The following PRKACB variants were observed in gnomAD, a reference collection of about 807,000 sequenced individuals.
PRKACB encodes the protein protein kinase cAMP-activated catalytic subunit beta.
PRKACB carries 16 observed loss-of-function variants against 51.4 expected under a neutral mutation model. The observed-to-expected ratio is 0.31, with a 90% CI of 0.21 to 0.47. The LOEUF (loss-of-function observed/expected upper bound fraction) is 0.47. PRKACB is among the 20% of genes least tolerant of loss of function. PRKACB has a pLI of 1.00. For synonymous variants in PRKACB, 147 were observed against 154.4 expected, an observed-to-expected ratio of 0.95 and a Z score of 0.35; for missense variants, 309 against 464.5, an observed-to-expected ratio of 0.67 and a Z score of 3.08.
At chr1:84,175,057 GT>G in intron 1 of PRKACB, 1 of 1,456,784 alleles carries the variant, frequency 6.9e-7, no homozygotes, top group Admixed American at 2.7e-5. Flanking sequence ...GAAATATCTG[GT>G]AGGCAATTAC....
intron 7 of PRKACB, among the ~76,000 whole-genome samples, chr1:84,199,687 C>T (rs562204017): frequency 5.0e-4 from 76 of 152,154 alleles, no homozygotes; most frequent in Admixed American, 1.4e-3. Flanking sequence ...ATTGCTGGGT[C>T]GAATGGTAGT....
intron 1 of PRKACB, among the ~76,000 whole-genome samples, chr1:84,100,451 C>T (rs1649263714): frequency 6.6e-6 from 1 of 152,004 alleles, no homozygotes; most frequent in South Asian, 2.1e-4. Context: ...AAGTTATTCA[C>T]CAAAACTTTA....
At chr1:84,172,978 A>G (rs1660028352) in intron 1 of PRKACB, among the ~76,000 whole-genome samples, 1 of 151,648 alleles carries the variant, frequency 6.6e-6, no homozygotes, top group Non-Finnish European at 1.5e-5. Flanking sequence ...TGTTTTTTAT[A>G]CTCGCTATCA....
At chr1:84,159,102 T>C (rs1273605268) in intron 1 of PRKACB, among the ~76,000 whole-genome samples, 1 of 152,112 alleles carries the variant, frequency 6.6e-6, no homozygotes, top group Non-Finnish European at 1.5e-5. Context: ...TTTATCAAAA[T>C]TGTTTTGTCT....
chr1:84,216,124 C>G (rs1672848019), intron 9 of PRKACB, among the ~76,000 whole-genome samples: 1 of 152,052 alleles, frequency 6.6e-6, no homozygotes, highest in Admixed American at 6.6e-5. Context: ...GCTTGAGTCT[C>G]ACTCAAGAGT....
chr1:84,128,789 A>T (rs1008288571), intron 1 of PRKACB, among the ~76,000 whole-genome samples: 1 of 152,142 alleles, frequency 6.6e-6, no homozygotes, highest in Admixed American at 6.5e-5. Flanking sequence ...TGTCAGCATT[A>T]TGTGTGTTCC....
At chr1:84,217,146 G>C (rs1405705183) in intron 9 of PRKACB, among the ~76,000 whole-genome samples, 3 of 152,144 alleles carry the variant, frequency 2.0e-5, no homozygotes, top group African/African-American at 4.8e-5. Flanking sequence ...TTTGGATAGA[G>C]AATACAAAAG....
intron 1 of PRKACB, among the ~76,000 whole-genome samples, chr1:84,118,598 T>C (rs1032854224): frequency 1.2e-4 from 19 of 152,022 alleles, no homozygotes; most frequent in Non-Finnish European, 2.5e-4. Context: ...TTACCTAATA[T>C]AAAGCTTAAA....
At chr1:84,180,607 T>A (rs982186018) in intron 2 of PRKACB, among the ~76,000 whole-genome samples, 4 of 152,012 alleles carry the variant, frequency 2.6e-5, no homozygotes, top group East Asian at 1.9e-4. Context: ...ACCAAAAAAA[T>A]TAAATTTTGA....
At chr1:84,081,143 G>C (rs1647499849) in intron 1 of PRKACB, among the ~76,000 whole-genome samples, 1 of 152,178 alleles carries the variant, frequency 6.6e-6, no homozygotes, top group Non-Finnish European at 1.5e-5. Context: ...TTAGCACCAA[G>C]CTTCAGAAAG....
At position 84,179,223 on chromosome 1, in the gene PRKACB, G is replaced by A; in HGVS notation, c.234G>A (p.Trp78Ter). Residue 78 changes from tryptophan (W) to a stop codon, truncating the protein, a stop_gained, in exon 2 of 10, where the codon TGG becomes TGA. Transcript: ENST00000370685. LOFTEE classifies it high-confidence loss of function. ...CCAAAGAAGACTTTTTGAAAAAATG[G>A]GAGAATCCAACTCAGGTAAGGAATA... The part of the protein sequence containing the change: ...AKAKEDFLKK[W>*]ENPTQNNAGL... 1 of 1,579,798 alleles carries A rather than the reference G, an allele frequency of 6.3e-7. No homozygotes were observed. The highest frequency in any genetic ancestry group is 8.6e-7 in the Non-Finnish European group (1 of 1,162,344).
intron 5 of PRKACB, among the ~76,000 whole-genome samples, chr1:84,190,543 G>A (rs552452040): frequency 3.0e-4 from 45 of 151,982 alleles, no homozygotes; most frequent in Middle Eastern, 3.5e-3. Flanking sequence ...GAAGATACAC[G>A]TTTATTAAAT....
intron 1 of PRKACB, among the ~76,000 whole-genome samples, chr1:84,178,200 A>G (rs2812447): frequency 0.18 from 26,932 of 151,986 alleles, 2,675 homozygotes; most frequent in South Asian, 0.25. Flanking sequence ...ATCTCACTTC[A>G]ATACTACTGT....
chr1:84,120,202 G>A (rs1272005253), intron 1 of PRKACB, among the ~76,000 whole-genome samples: 2 of 152,046 alleles, frequency 1.3e-5, no homozygotes, highest in East Asian at 1.9e-4. Context: ...ACTTCCAAGG[G>A]TATTAAAATG....
intron 8 of PRKACB, among the ~76,000 whole-genome samples, chr1:84,207,400 G>A (rs1246442570): frequency 6.6e-6 from 1 of 152,146 alleles, no homozygotes; most frequent in Non-Finnish European, 1.5e-5. Flanking sequence ...AATCCAGGCT[G>A]ATTAAAGATG....
chr1:84,206,799 A>G (rs1035886613), intron 8 of PRKACB, among the ~76,000 whole-genome samples: 1 of 152,178 alleles, frequency 6.6e-6, no homozygotes, highest in Non-Finnish European at 1.5e-5. Context: ...TCATGTTGGT[A>G]TAAGGGCACT....
chr1:84,158,594 T>A (rs1655805954), intron 1 of PRKACB, among the ~76,000 whole-genome samples: 2 of 151,592 alleles, frequency 1.3e-5, no homozygotes, highest in Admixed American at 1.3e-4. Flanking sequence ...AATATAAATA[T>A]CAAATATTTC....
At chr1:84,173,576 A>G (rs1418192978) in intron 1 of PRKACB, among the ~76,000 whole-genome samples, 2 of 151,638 alleles carry the variant, frequency 1.3e-5, no homozygotes, top group East Asian at 3.9e-4. Context: ...GGGTGGAAGA[A>G]GATGGACTAA....
At chr1:84,180,277 T>A (rs1662967324) in intron 2 of PRKACB, among the ~76,000 whole-genome samples, 2 of 143,682 alleles carry the variant, frequency 1.4e-5, no homozygotes, top group Admixed American at 1.4e-4. Flanking sequence ...CTAGATGAGA[T>A]TGGAGACTAT....
Sources: gnomAD v4.1 joint callset for allele counts (sites outside exome capture counted in the v4.1 genomes callset) on GRCh38, gnomAD v4.1.1 for gene constraint, MANE v1.5 for transcripts, NCBI Gene and HGNC (gene_info 2026-07-23, HGNC 2026-07-21) for gene names.